The following TSC22D2 variants were observed in gnomAD, a reference collection of about 807,000 sequenced individuals.
TSC22D2 encodes TSC22 domain family protein 2.
Under a neutral mutation model 50.1 loss-of-function variants are expected in TSC22D2, and 5 were observed. That is an observed-to-expected ratio of 0.10 (90% CI 0.05 to 0.21). The LOEUF (loss-of-function observed/expected upper bound fraction) is 0.21, where lower values mean the gene tolerates loss of function less well. Among genes scored for constraint, TSC22D2 ranks in the 10% least tolerant of loss-of-function variants. TSC22D2 has a pLI of 1.00. For synonymous variants in TSC22D2, 501 were observed against 450.1 expected (o/e 1.11, Z -1.43); for missense variants, 1,003 against 1,015.5 (o/e 0.99, Z 0.17).
At chr3:150,447,024 G>A (rs931777302) in intron 1 of TSC22D2, among the ~76,000 whole-genome samples, 2 of 152,086 alleles carry the variant, frequency 1.3e-5, no homozygotes, top group African/African-American at 4.8e-5. Context: ...GAAAAGATGA[G>A]CAAAAATTAT....
chr3:150,413,339 A>G (rs1488963229), intron 1 of TSC22D2, among the ~76,000 whole-genome samples: 3 of 152,140 alleles, frequency 2.0e-5, no homozygotes, highest in Admixed American at 1.3e-4. Context: ...GTACAGTCCT[A>G]TTTTAAACAT....
At chr3:150,445,924 T>C (rs1302136530) in intron 1 of TSC22D2, among the ~76,000 whole-genome samples, 1 of 151,886 alleles carries the variant, frequency 6.6e-6, no homozygotes, top group African/African-American at 2.4e-5. Flanking sequence ...TGAAACCCCA[T>C]TTCTACTAAA....
At position 150,427,498 on chromosome 3, in the gene TSC22D2, A is replaced by C. The variant is rs185072458; in HGVS notation, c.1958+16190A>C. Among the ~76,000 whole-genome samples, 361 of 152,254 alleles carry C rather than the reference A, an allele frequency of 2.4e-3. 3 individuals carry two copies. Among genetic ancestry groups the C allele is most frequent in the Non-Finnish European group, 4.0e-4 (27 of 67,968 alleles). ...GATGTGGACTATATAATTTTAAAGA[A>C]TCACTCAAGTAGCTTATTTGTTGGA... On this transcript the variant is annotated intron_variant, in intron 1 of 2. Transcript: ENST00000688009.
At chr3:150,444,826 C>T (rs2108093414) in intron 1 of TSC22D2, among the ~76,000 whole-genome samples, 1 of 152,162 alleles carries the variant, frequency 6.6e-6, no homozygotes, top group East Asian at 1.9e-4. Context: ...AACCTAATGA[C>T]CCTTTAGATT....
chr3:150,443,914 A>G (rs1299076260), intron 1 of TSC22D2, among the ~76,000 whole-genome samples: 1 of 152,194 alleles, frequency 6.6e-6, no homozygotes, highest in African/African-American at 2.4e-5. Context: ...CCACTTTATT[A>G]TCCATGAAGT....
chr3:150,455,601 C>T (rs1721161737), intron 1 of TSC22D2, among the ~76,000 whole-genome samples: 1 of 152,134 alleles, frequency 6.6e-6, no homozygotes, highest in Admixed American at 6.5e-5. Context: ...TGGGGAAACT[C>T]AGATCCAGGG....
Position 150,410,432 on chromosome 3 carries a change from A to G in TSC22D2, c.1082A>G (p.Gln361Arg), listed in dbSNP as rs1191534306. ...CAGCCCCAGCAGTTCGCGTATCCTC[A>G]GCCTCAGATACCGCCCGGACATTTG... ...AQQPQQFAYP[Q>R]PQIPPGHLLP... The change falls in exon 1 of 3, where the codon CAG (glutamine) becomes CGG (arginine). Residue 361 changes from glutamine (Q) to arginine (R), a missense_variant. Transcript: ENST00000688009. 2.7e-5 allele frequency: 44 copies of G among 1,609,266 alleles called. No individual in the cohort carries two copies. The highest frequency in any genetic ancestry group is 3.5e-5 in the Non-Finnish European group (41 of 1,178,674).
At chr3:150,419,445 A>G (rs1410245711) in intron 1 of TSC22D2, among the ~76,000 whole-genome samples, 1 of 152,054 alleles carries the variant, frequency 6.6e-6, no homozygotes, top group East Asian at 1.9e-4. Context: ...AGATAATAAT[A>G]CTGGAGATGG....
chr3:150,457,078 C>T lies in TSC22D2; in HGVS notation c.1961C>T (p.Ala654Val). Residue 654 changes from alanine (A) to valine (V), a missense_variant and splice_region_variant, in exon 2 of 3, where the codon GCA (alanine) becomes GTA (valine). Coordinates refer to ENST00000688009, the MANE Select transcript of TSC22D2 (RefSeq NM_001303264.2). ...AIPVDGDEDS[A>V]SGGGVVAIDN... ...TAACATATTCTAATTTTTTCCAGTG[C>T]ATCTGGGGGAGGTGTTGTAGCCATT... is the stretch of plus-strand genomic sequence containing the variant. The T allele has an allele frequency of 6.2e-7, 1 of 1,611,724 alleles. No individual in the cohort carries two copies. Among genetic ancestry groups the T allele is most frequent in the South Asian group, 1.1e-5 (1 of 90,522 alleles).
chr3:150,458,320 A>G (rs1161402684), intron 2 of TSC22D2, 56 bp from the exon 3 acceptor site: 2 of 1,560,218 alleles, frequency 1.3e-6, no homozygotes, highest in African/African-American at 2.7e-5. Context: ...CCAGAACCAG[A>G]TAGCACCACC....
chr3:150,415,894 C>T (rs550660913), intron 1 of TSC22D2, among the ~76,000 whole-genome samples: 3 of 152,244 alleles, frequency 2.0e-5, no homozygotes, highest in African/African-American at 7.2e-5. Flanking sequence ...TCTGGTACTT[C>T]CTAATTAGGA....
In TSC22D2 at chr3:150,409,211, C is replaced by G. The variant is rs1476609649; in HGVS notation, c.-140C>G. ...CGGGCGGCCAGCGCCTGGATCAGCCCGTGACTCTTAACAGCGGCGGGCCTC... is the reference window on the plus strand; with the variant it reads ...CGGGCGGCCAGCGCCTGGATCAGCCGGTGACTCTTAACAGCGGCGGGCCTC... On this transcript the variant is annotated 5_prime_UTR_variant, in exon 1 of 3. Transcript: ENST00000688009. This position sits in a 1 kb window ranked among gnomAD's most constrained non-coding sequence, Gnocchi z 7.4. 3 of 970,296 alleles carry G rather than the reference C, an allele frequency of 3.1e-6. No homozygotes were observed. The highest frequency in any genetic ancestry group is 1.9e-5 in the South Asian group (1 of 53,722). The allele number at this position is 970,296 out of a possible 1,614,324, so 60.1% of individuals were successfully genotyped here.
At position 150,410,157 on chromosome 3, in the gene TSC22D2, T is replaced by C; in HGVS notation, c.807T>C (p.Phe269=). The change falls in exon 1 of 3, where the codon TTT becomes TTC. Residue 269 remains phenylalanine (F), a synonymous_variant. Coordinates refer to ENST00000688009, the MANE Select transcript of TSC22D2 (RefSeq NM_001303264.2). ...SQPTPAQPQS[F]SVGQPQPPPP... is the part of the protein sequence containing the mutation. Reference sequence around the variant, plus strand: ...CCACTCCGGCCCAGCCGCAGAGTTTTAGCGTTGGGCAGCCACAGCCGCCGC... The same window carrying C: ...CCACTCCGGCCCAGCCGCAGAGTTTCAGCGTTGGGCAGCCACAGCCGCCGC... 1.9e-6 allele frequency: 3 copies of C among 1,611,178 alleles called. No individual in the cohort carries two copies. The highest frequency in any genetic ancestry group is 1.1e-5 in the South Asian group (1 of 91,046).
chr3:150,446,319 A>G (rs1439459955), intron 1 of TSC22D2, among the ~76,000 whole-genome samples: 2 of 152,108 alleles, frequency 1.3e-5, no homozygotes, highest in Admixed American at 1.3e-4. Context: ...CAGGGCCTGT[A>G]TTTAGAGTGT....
At chr3:150,443,053 GAGTT>G (rs1451770671) in intron 1 of TSC22D2, among the ~76,000 whole-genome samples, 4 of 152,236 alleles carry the variant, frequency 2.6e-5, no homozygotes, top group Admixed American at 2.6e-4. Flanking sequence ...TTATAAAACT[GAGTT>G]AGAAGGGAAT....
chr3:150,410,725 C>G lies in TSC22D2; in HGVS notation c.1375C>G (p.Pro459Ala). Residue 459 changes from proline to alanine, a missense_variant, in exon 1 of 3, where the codon CCG becomes GCG. Pro to Ala is a conservative substitution (Grantham distance 27, BLOSUM62 -1). Around this residue, in one of 6 missense-constraint regions of TSC22D2, gnomAD observed 696 missense variants for 647.8 expected, o/e 1.07. Transcript: ENST00000688009. ...GCCTTGTCAGCCGACTGGAGTGCCC[C>G]CGGCTACTGTGGGAGGCGTGGTGCA... is the stretch of plus-strand genomic sequence containing the variant. ...VAPCQPTGVP[P>A]ATVGGVVQPC... 4 of 1,594,066 alleles carry G rather than the reference C, an allele frequency of 2.5e-6. No homozygotes were observed. Among genetic ancestry groups the G allele is most frequent in the African/African-American group, 1.3e-5 (1 of 74,488 alleles).
intron 1 of TSC22D2, among the ~76,000 whole-genome samples, chr3:150,416,664 G>GT (rs1448072971): frequency 6.6e-6 from 1 of 151,894 alleles, no homozygotes; most frequent in Admixed American, 6.6e-5. Context: ...CAAAAACTGG[G>GT]TGTCCCTCAT....
intron 1 of TSC22D2, chr3:150,422,996 G>C (rs1560082612): frequency 7.5e-7 from 1 of 1,326,574 alleles, no homozygotes; most frequent in Non-Finnish European, 1.1e-6. Flanking sequence ...GAAAAGTAGT[G>C]ATTATACTGT....
intron 1 of TSC22D2, among the ~76,000 whole-genome samples, chr3:150,431,224 CAAAAAAAAAAAAA>C (rs71138443): frequency 1.1e-4 from 3 of 27,962 alleles, no homozygotes; most frequent in South Asian, 2.0e-3. Flanking sequence ...GGCTCTGTCT[CAAAAAAAAAAAAA>C]AAAAAAAAAA....
Sources: allele counts gnomAD v4.1 joint callset (sites outside exome capture counted in the v4.1 genomes callset), GRCh38; gene constraint gnomAD v4.1.1; regional missense constraint gnomAD v4.1.1; non-coding constraint Gnocchi (gnomAD v3.1); transcripts MANE v1.5; gene names NCBI Gene and HGNC (gene_info 2026-07-23, HGNC 2026-07-21).